CEP120: variants seen among roughly 807,000 people sequenced by gnomAD.
The protein encoded by CEP120 is centrosomal protein of 120 kDa.
A neutral mutation model predicts 126.5 loss-of-function variants in CEP120; 113 were observed. The ratio of observed to expected loss-of-function variants is 0.89; its 90% CI spans 0.77 to 1.04. The LOEUF is 1.04. Ranked by LOEUF, CEP120 falls within the 50% of genes least tolerant of loss-of-function variation. The probability of loss-of-function intolerance (pLI) is 0.00; values close to 1 mark genes in which losing one functional copy is unlikely to be tolerated. For missense variants in CEP120, 1,230 were observed against 1,155.7 expected (o/e 1.06, Z -0.93); for synonymous variants, 400 against 394.3 (o/e 1.01, Z -0.17).
At chr5:123,405,683 C>T (rs1580727058) in intron 4 of CEP120, among the ~76,000 whole-genome samples, 1 of 152,120 alleles carries the variant, frequency 6.6e-6, no homozygotes, top group Non-Finnish European at 1.5e-5. Flanking sequence ...AAGACTGAGA[C>T]CTAACCATAA....
intron 19 of CEP120, among the ~76,000 whole-genome samples, chr5:123,349,610 A>C (rs1041202063): frequency 9.2e-5 from 14 of 152,264 alleles, no homozygotes; most frequent in Non-Finnish European, 1.6e-4. Flanking sequence ...GGAAAAAAAA[A>C]GTTTAATAGT....
chr5:123,389,955 C>G lies in CEP120; in HGVS notation c.1224G>C (p.Gln408His). Reference sequence around the variant, plus strand: ...GATTTGGTTTGGTGTCCTTATCATACTGTAAACTTTCCACTTCACTTTCTG... The same window carrying G: ...GATTTGGTTTGGTGTCCTTATCATAGTGTAAACTTTCCACTTCACTTTCTG... ...DATESEVESLQYDKDTKPNPK... is the reference protein window; with the variant it reads ...DATESEVESLHYDKDTKPNPK... Residue 408 changes from glutamine (Q) to histidine (H), a missense_variant, in exon 8 of 20, where the codon CAG becomes CAC. Coordinates refer to ENST00000306467, the MANE Select transcript of CEP120 (RefSeq NM_001375405.1). 4 of 1,614,166 alleles carry G rather than the reference C, an allele frequency of 2.5e-6. No individual in the cohort carries two copies. The highest frequency in any genetic ancestry group is 3.4e-6 in the Non-Finnish European group (4 of 1,180,004).
At chr5:123,380,632 A>G (rs1443560772) in intron 14 of CEP120, among the ~76,000 whole-genome samples, 1 of 152,140 alleles carries the variant, frequency 6.6e-6, no homozygotes, top group African/African-American at 2.4e-5. Flanking sequence ...TCACGGTTCT[A>G]GTAATTTTAT....
intron 3 of CEP120, among the ~76,000 whole-genome samples, chr5:123,412,992 A>C (rs891457299): frequency 6.6e-6 from 1 of 152,082 alleles, no homozygotes; most frequent in African/African-American, 2.4e-5. Context: ...AAAATCTTGG[A>C]TGGGTGGCTC....
rs1266366857 is a variant in CEP120 at position 123,378,340 on chromosome 5, G to A, written c.2192C>T (p.Ser731Leu). The A allele has an allele frequency of 2.5e-6, 4 of 1,599,912 alleles. No individual in the cohort carries two copies. Among genetic ancestry groups the A allele is most frequent in the African/African-American group, 1.4e-5 (1 of 73,402 alleles). The part of the protein sequence containing the change: ...KREQQLASVE[S>L]ELQREKKELQ... Reference sequence around the variant, plus strand: ...TACAATGGACGAATGACATACCTCTGATTCCACACTAGCAAGCTGCTGCTC... The same window carrying A: ...TACAATGGACGAATGACATACCTCTAATTCCACACTAGCAAGCTGCTGCTC... The change falls in exon 15 of 20, where the codon TCA becomes TTA. Residue 731 changes from serine (S) to leucine (L), a missense_variant. Coordinates refer to ENST00000306467, the MANE Select transcript of CEP120 (RefSeq NM_001375405.1).
chr5:123,386,435 A>G lies in CEP120; in HGVS notation c.1580+83T>C, dbSNP rs1020064161. ...CATAAACTGCTATGGATTTAAACCT[A>G]TAAGAATTCCTTTTTAATAAAATAC... is the stretch of plus-strand genomic sequence containing the variant. On this transcript the variant is annotated intron_variant, in intron 10 of 19. Transcript: ENST00000306467. 50 of 1,023,578 alleles carry G rather than the reference A, an allele frequency of 4.9e-5. 1 individual carries two copies. In the Middle Eastern group the frequency reaches 1.9e-3, roughly 39 times the overall value. 63.4% of individuals were successfully genotyped at this position (1,023,578 alleles called of 1,614,324 possible). A position where few individuals can be genotyped will look rare whatever the true frequency, so the allele number is the denominator to read the frequency against.
At chr5:123,378,296 C>T in intron 15 of CEP120, 40 bp downstream of exon 15, 1 of 1,468,502 alleles carries the variant, frequency 6.8e-7, no homozygotes, top group East Asian at 2.3e-5. Flanking sequence ...GCAATAAACC[C>T]CTCTATGCTG....
chr5:123,350,005 C>A lies in CEP120; in HGVS notation c.2665G>T (p.Glu889Ter), dbSNP rs754830593. 6.2e-7 allele frequency: 1 copy of A among 1,613,678 alleles called. No individual in the cohort carries two copies. Among genetic ancestry groups the A allele is most frequent in the Admixed American group, 1.7e-5 (1 of 59,958 alleles). ...QMRLRYLAAEEKDTVKTERQE... is the reference protein window; with the variant it reads ...QMRLRYLAAE Reference sequence around the variant, plus strand: ...CGCTCGGTTTTTACTGTATCTTTTTCCTCAGCGGCAAGGTAACGTAGTCTC... The same window carrying A: ...CGCTCGGTTTTTACTGTATCTTTTTACTCAGCGGCAAGGTAACGTAGTCTC... Residue 889 changes from glutamate to a stop codon, truncating the protein, a stop_gained, in exon 19 of 20, where the codon GAA becomes TAA. Coordinates refer to ENST00000306467, the MANE Select transcript of CEP120 (RefSeq NM_001375405.1). LOFTEE classifies it high-confidence loss of function.
At chr5:123,390,214 G>GT (rs1265062915) in intron 7 of CEP120, 74 bp from the exon 8 acceptor site, 8 of 1,096,872 alleles carry the variant, frequency 7.3e-6, no homozygotes, top group Admixed American at 2.3e-5. Context: ...ACTTGGCATT[G>GT]TTTTTTAAAA....
chr5:123,400,432 G>A (rs1773106155), intron 4 of CEP120, among the ~76,000 whole-genome samples: 1 of 152,044 alleles, frequency 6.6e-6, no homozygotes. Flanking sequence ...GAGCTTAGAA[G>A]TTAAAATAAG....
At chr5:123,409,431 A>G (rs1252449392) in intron 4 of CEP120, among the ~76,000 whole-genome samples, 1 of 152,220 alleles carries the variant, frequency 6.6e-6, no homozygotes, top group Non-Finnish European at 1.5e-5. Context: ...ATGGAAAAGA[A>G]AAGGAAATAA....
chr5:123,365,739 G>A (rs566013600), intron 17 of CEP120, among the ~76,000 whole-genome samples: 20 of 151,306 alleles, frequency 1.3e-4, no homozygotes, highest in Non-Finnish European at 2.2e-4. Flanking sequence ...CCTACTACTT[G>A]GTAATTTAAC....
intron 18 of CEP120, among the ~76,000 whole-genome samples, chr5:123,360,887 T>G (rs990296741): frequency 6.6e-6 from 1 of 151,846 alleles, no homozygotes; most frequent in Non-Finnish European, 1.5e-5. Flanking sequence ...TGTTTACTTA[T>G]ATTATTTTTT....
At chr5:123,399,336 T>C in intron 4 of CEP120, 52 bp from the exon 5 acceptor site, 1 of 1,541,384 alleles carries the variant, frequency 6.5e-7, no homozygotes, top group African/African-American at 1.4e-5. Context: ...CATAAACCAT[T>C]ATAAGATTTT....
At chr5:123,383,770 C>T (rs1229442011) in intron 11 of CEP120, among the ~76,000 whole-genome samples, 1 of 152,064 alleles carries the variant, frequency 6.6e-6, no homozygotes, top group East Asian at 1.9e-4. Flanking sequence ...TATCATACAA[C>T]TGCATGCAGC....
intron 17 of CEP120, among the ~76,000 whole-genome samples, chr5:123,364,849 T>C (rs768350277): frequency 2.1e-4 from 32 of 151,658 alleles, no homozygotes; most frequent in Non-Finnish European, 3.5e-4. Context: ...TCCAGACAGT[T>C]ACTATAAATG....
intron 5 of CEP120, among the ~76,000 whole-genome samples, chr5:123,393,931 C>T (rs1226398244): frequency 1.3e-5 from 2 of 152,152 alleles, no homozygotes; most frequent in Non-Finnish European, 1.5e-5. Context: ...TAACATATAA[C>T]ATCTTAGTTG....
At chr5:123,395,663 T>C (rs1015571153) in intron 5 of CEP120, among the ~76,000 whole-genome samples, 3 of 151,124 alleles carry the variant, frequency 2.0e-5, no homozygotes, top group African/African-American at 7.3e-5. Flanking sequence ...TGTTGTGGCA[T>C]GTATCAGTAC....
intron 1 of CEP120, among the ~76,000 whole-genome samples, chr5:123,420,014 G>A (rs893186143): frequency 6.6e-6 from 1 of 152,184 alleles, no homozygotes; most frequent in Non-Finnish European, 1.5e-5. Flanking sequence ...TACTTGTGGG[G>A]GAAGTGTAGG....
Sources: allele counts gnomAD v4.1 joint callset (sites outside exome capture counted in the v4.1 genomes callset), GRCh38; gene constraint gnomAD v4.1.1; transcripts MANE v1.5; gene names NCBI Gene and HGNC (gene_info 2026-07-23, HGNC 2026-07-21).